Variants in DCHS2 observed in about 807,000 individuals in gnomAD.
The protein encoded by DCHS2 is dachsous cadherin-related 2.
In DCHS2, 142 loss-of-function variants were observed where a neutral mutation model predicts 182.4. The ratio of observed to expected loss-of-function variants is 0.78; its 90% confidence interval spans 0.68 to 0.89. The LOEUF (loss-of-function observed/expected upper bound fraction) is 0.89. DCHS2 is among the 40% of genes least tolerant of loss of function. The pLI is 0.00. For synonymous variants in DCHS2, 1,740 were observed against 1,663.3 expected (o/e 1.05, Z -1.12); for missense variants, 4,319 against 4,198.6 (o/e 1.03, Z -0.79).
chr4:154,467,573 T>A (rs559390323), intron 1 of DCHS2, among the ~76,000 whole-genome samples: 193 of 152,290 alleles, frequency 1.3e-3, no homozygotes, highest in African/African-American at 4.4e-3. Flanking sequence ...ATGTCAAAAG[T>A]TTAAACAATG....
intron 1 of DCHS2, among the ~76,000 whole-genome samples, chr4:154,432,720 C>T (rs944320121): frequency 6.6e-6 from 1 of 152,142 alleles, no homozygotes; most frequent in Non-Finnish European, 1.5e-5. Context: ...CAGTCCTAAC[C>T]CTTCTCCACT....
intron 13 of DCHS2, among the ~76,000 whole-genome samples, chr4:154,283,013 G>T (rs1365191036): frequency 1.3e-5 from 2 of 152,070 alleles, no homozygotes; most frequent in African/African-American, 4.8e-5. Flanking sequence ...ATTTGCTAAG[G>T]GTTGGTGGAG....
chr4:154,478,167 A>T (rs1334986048), intron 1 of DCHS2, among the ~76,000 whole-genome samples: 1 of 152,228 alleles, frequency 6.6e-6, no homozygotes, highest in East Asian at 1.9e-4. Context: ...ACTCAAGAAC[A>T]ATGTAATATA....
intron 5 of DCHS2, chr4:154,331,698 G>A: frequency 6.2e-7 from 1 of 1,613,392 alleles, no homozygotes; most frequent in Non-Finnish European, 8.5e-7. Flanking sequence ...TTATGACATA[G>A]ATGGTGCCTG....
chr4:154,375,006 CA>C (rs1405313895), intron 2 of DCHS2, among the ~76,000 whole-genome samples: 1 of 151,902 alleles, frequency 6.6e-6, no homozygotes, highest in Non-Finnish European at 1.5e-5. Flanking sequence ...TAAGTTAGAA[CA>C]AAGCTAAAAG....
At chr4:154,333,537 G>A (rs768023899) in intron 4 of DCHS2, 43 bp from the exon 5 acceptor site, 9 of 1,531,490 alleles carry the variant, frequency 5.9e-6, no homozygotes, top group Non-Finnish European at 7.9e-6. Context: ...TCAAAAGGGT[G>A]GACCCACTGG....
intron 13 of DCHS2, among the ~76,000 whole-genome samples, chr4:154,290,414 A>C (rs1734600881): frequency 6.6e-6 from 1 of 152,212 alleles, no homozygotes; most frequent in South Asian, 2.1e-4. Context: ...AATACCAATG[A>C]CGTTCTTCAT....
chr4:154,256,294 C>T (rs1186608154), intron 15 of DCHS2, among the ~76,000 whole-genome samples: 1 of 152,018 alleles, frequency 6.6e-6, no homozygotes, highest in East Asian at 1.9e-4. Context: ...CCACCATGCC[C>T]AGCTAATTTT....
intron 1 of DCHS2, among the ~76,000 whole-genome samples, chr4:154,410,470 CAA>C (rs61280673): frequency 4.4e-4 from 31 of 70,332 alleles, no homozygotes; most frequent in Non-Finnish European, 8.2e-4. Context: ...ACCCAGAGGG[CAA>C]AAAAAAAAAA....
intron 1 of DCHS2, among the ~76,000 whole-genome samples, chr4:154,397,177 A>G (rs1481301360): frequency 6.6e-6 from 1 of 152,224 alleles, no homozygotes; most frequent in Non-Finnish European, 1.5e-5. Flanking sequence ...GAAAGCCAAC[A>G]TAAGTCAGCA....
At chr4:154,469,524 T>C (rs1055286211) in intron 1 of DCHS2, among the ~76,000 whole-genome samples, 2 of 152,246 alleles carry the variant, frequency 1.3e-5, no homozygotes, top group African/African-American at 4.8e-5. Context: ...CTTCTTAATA[T>C]GTACTTGTAA....
chr4:154,343,349 T>C (rs1729200267), intron 3 of DCHS2: 1 of 991,526 alleles, frequency 1.0e-6, no homozygotes, highest in Admixed American at 3.6e-5. Flanking sequence ...AGCCTGCCCT[T>C]TTAAGTTCTG....
At chr4:154,268,510 G>A (rs917690905) in intron 14 of DCHS2, among the ~76,000 whole-genome samples, 9 of 152,158 alleles carry the variant, frequency 5.9e-5, no homozygotes, top group African/African-American at 2.2e-4. Context: ...ACTCAGAATA[G>A]TGAGAAATTT....
chr4:154,419,160 C>T (rs937191925), intron 1 of DCHS2, among the ~76,000 whole-genome samples: 11 of 152,206 alleles, frequency 7.2e-5, no homozygotes, highest in African/African-American at 2.7e-4. Flanking sequence ...AATAAAGTTT[C>T]ATCTTACCTC....
intron 12 of DCHS2, among the ~76,000 whole-genome samples, chr4:154,300,332 A>G (rs1735145891): frequency 6.6e-6 from 1 of 152,064 alleles, no homozygotes; most frequent in South Asian, 2.1e-4. Flanking sequence ...TTTGGACAGG[A>G]AAGTGTCATG....
At chr4:154,260,174 C>T (rs17031317) in intron 14 of DCHS2, among the ~76,000 whole-genome samples, 3,863 of 152,262 alleles carry the variant, frequency 0.025, 136 homozygotes, top group African/African-American at 0.078. Context: ...GCTCACAGCT[C>T]ACCTGTCCCG....
At chr4:154,246,139 A>C (rs1732059482) in intron 16 of DCHS2, among the ~76,000 whole-genome samples, 1 of 152,202 alleles carries the variant, frequency 6.6e-6, no homozygotes, top group South Asian at 2.1e-4. Flanking sequence ...GGCTCAAGAC[A>C]TGGCAAATAT....
chr4:154,375,350 C>G (rs1016121275), intron 2 of DCHS2, among the ~76,000 whole-genome samples: 2 of 152,078 alleles, frequency 1.3e-5, no homozygotes, highest in African/African-American at 4.8e-5. Context: ...TGAAGAACTT[C>G]TGTTCCTCAA....
At chr4:154,418,156 G>A (rs548457856) in intron 1 of DCHS2, among the ~76,000 whole-genome samples, 2 of 152,268 alleles carry the variant, frequency 1.3e-5, no homozygotes, top group South Asian at 2.1e-4. Context: ...GCACCTGTAG[G>A]TCATGGTATT....
Sources: gnomAD v4.1 joint callset for allele counts (sites outside exome capture counted in the v4.1 genomes callset) on GRCh38, gnomAD v4.1.1 for gene constraint, MANE v1.5 for transcripts, NCBI Gene and HGNC (gene_info 2026-07-23, HGNC 2026-07-21) for gene names.